Variants in ST3GAL4 observed in about 807,000 individuals in gnomAD.
ST3GAL4 encodes the protein ST3 beta-galactoside alpha-2,3-sialyltransferase 4, also known as CMP-N-acetylneuraminate-beta-galactosamide-alpha-2,3-sialyltransferase 4.
ST3GAL4 carries 24 observed loss-of-function variants against 42.6 expected under a neutral mutation model. The observed-to-expected ratio is 0.56, with a 90% CI of 0.41 to 0.79. The LOEUF (loss-of-function observed/expected upper bound fraction) is 0.79, where lower values mean the gene tolerates loss of function less well. Ranked by LOEUF, ST3GAL4 falls within the 30% of genes least tolerant of loss-of-function variation. The pLI is 0.00. For synonymous variants in ST3GAL4, 135 were observed against 163.2 expected (o/e 0.83, Z 1.32); for missense variants, 311 against 430.8 (o/e 0.72, Z 2.46).
rs1953808013 is a variant in ST3GAL4 at position 126,397,075 on chromosome 11, A to C, written c.-60-9021A>C. Among the ~76,000 whole-genome samples the C allele has an allele frequency of 6.6e-6, 1 of 152,110 alleles. No homozygotes were observed. Among genetic ancestry groups the C allele is most frequent in the Non-Finnish European group, 1.5e-5 (1 of 68,036 alleles). ...CAACAGTGAACTCTCTGGCCCCTCC[A>C]AGTCAGTGGTGCAGAGATTGAGAGA... On this transcript the variant is annotated intron_variant, in intron 1 of 10. Transcript: ENST00000444328. This position sits in a 1 kb window ranked among gnomAD's most constrained non-coding sequence, Gnocchi z 5.0.
chr11:126,395,801 A>G (rs186822470), intron 1 of ST3GAL4, among the ~76,000 whole-genome samples: 1 of 152,224 alleles, frequency 6.6e-6, no homozygotes, highest in East Asian at 1.9e-4. Context: ...TGAGTCCATT[A>G]AACTTCTTTT....
chr11:126,386,392 G>A lies in ST3GAL4; in HGVS notation c.-60-19704G>A, dbSNP rs1953228328. On this transcript the variant is annotated intron_variant, in intron 1 of 10. Coordinates refer to ENST00000444328, the MANE Select transcript of ST3GAL4 (RefSeq NM_001254757.2). The surrounding 1 kb of genome is among the most constrained non-coding windows in gnomAD (Gnocchi z 4.7). ...TTGCATTCGGCCCACAGGCCTTGTG[G>A]CTCCTGTTTCTGCTGACCTGTCCAG... 6.6e-6 allele frequency among the ~76,000 whole-genome samples: 1 copy of A among 152,076 alleles called. No individual in the cohort carries two copies. Among genetic ancestry groups the A allele is most frequent in the African/African-American group, 2.4e-5 (1 of 41,412 alleles).
At chr11:126,382,542 G>GGGA (rs944915542) in intron 1 of ST3GAL4, among the ~76,000 whole-genome samples, 9 of 151,840 alleles carry the variant, frequency 5.9e-5, no homozygotes, top group East Asian at 1.9e-4. Flanking sequence ...CCTCAGGGCT[G>GGGA]GGAGGAGGAG....
intron 1 of ST3GAL4, among the ~76,000 whole-genome samples, chr11:126,381,378 GT>G (rs912432334): frequency 9.2e-5 from 14 of 152,112 alleles, no homozygotes; most frequent in Non-Finnish European, 1.5e-4. Flanking sequence ...TATGGATTTG[GT>G]TTGACAACAA....
rs12278170 is a variant in ST3GAL4 at position 126,404,733 on chromosome 11, G to A, written c.-60-1363G>A. Among the ~76,000 whole-genome samples, 639 of 152,332 alleles carry A rather than the reference G, an allele frequency of 4.2e-3. 6 individuals carry two copies. The highest frequency in any genetic ancestry group is 0.015 in the African/African-American group (606 of 41,578). ...TTCATCCCCTCTGGGGTTTGGGGAT[G>A]GTGCTTCTGACTCTCCTGAGGCAGT... is the stretch of plus-strand genomic sequence containing the variant. On this transcript the variant is annotated intron_variant, in intron 1 of 10. Coordinates refer to ENST00000444328, the MANE Select transcript of ST3GAL4 (RefSeq NM_001254757.2).
Position 126,359,401 on chromosome 11 carries a change from G to A in ST3GAL4, c.-61+3559G>A, listed in dbSNP as rs1437020981. On this transcript the variant is annotated intron_variant, in intron 1 of 10. Coordinates refer to ENST00000444328, the MANE Select transcript of ST3GAL4 (RefSeq NM_001254757.2). The surrounding 1 kb of genome is among the most constrained non-coding windows in gnomAD (Gnocchi z 4.8). ...ATAAATGAAGAAATGGAGGATTGAA[G>A]GATTAAGTTACTTGGCCAAGGTCAT... 6.6e-6 allele frequency among the ~76,000 whole-genome samples: 1 copy of A among 152,168 alleles called. No homozygotes were observed. The highest frequency in any genetic ancestry group is 1.5e-5 in the Non-Finnish European group (1 of 68,038).
At position 126,407,584 on chromosome 11, in the gene ST3GAL4, C is replaced by G. The variant is rs1238563919; in HGVS notation, c.291C>G (p.Leu97=). 6.2e-7 allele frequency: 1 copy of G among 1,614,154 alleles called. No homozygotes were observed. The highest frequency in any genetic ancestry group is 1.7e-5 in the Admixed American group (1 of 60,016). ...PYGTKGSEDL[L]LRVLAITSSS... is the part of the protein sequence containing the mutation. Reference sequence around the variant, plus strand: ...TGGTACTTTTTGTAGAGGATCTGCTCCTCCGGGTGCTAGCCATCACCAGCT... The same window carrying G: ...TGGTACTTTTTGTAGAGGATCTGCTGCTCCGGGTGCTAGCCATCACCAGCT... The change falls in exon 6 of 11, where the codon CTC becomes CTG. Residue 97 remains leucine (L), a synonymous_variant. Transcript: ENST00000444328.
chr11:126,406,693 G>A lies in ST3GAL4; in HGVS notation c.101+136G>A. Reference sequence around the variant, plus strand: ...ACATGACCTCATCCCTTCAGCTGCTGGTACGGAGTGTTTCCATGAGGGTGG... The same window carrying A: ...ACATGACCTCATCCCTTCAGCTGCTAGTACGGAGTGTTTCCATGAGGGTGG... On this transcript the variant is annotated intron_variant, in intron 3 of 10. Transcript: ENST00000444328. The surrounding 1 kb of genome is among the most constrained non-coding windows in gnomAD (Gnocchi z 5.4). The A allele has an allele frequency of 8.0e-7, 1 of 1,253,870 alleles. No individual in the cohort carries two copies. Among genetic ancestry groups the A allele is most frequent in the Non-Finnish European group, 1.1e-6 (1 of 900,552 alleles). The allele number at this position is 1,253,870 out of a possible 1,614,324, so 77.7% of individuals were successfully genotyped here.
chr11:126,406,030 CT>C lies in ST3GAL4; in HGVS notation c.-60-65del. 1 of 1,535,884 alleles carries C rather than the reference CT, an allele frequency of 6.5e-7. No individual in the cohort carries two copies. Among genetic ancestry groups the C allele is most frequent in the Non-Finnish European group, 8.8e-7 (1 of 1,134,318 alleles). The stretch of plus-strand genomic sequence containing the variant: ...GGGAGGGGCAGACAGTGGGTGTGTC[CT>C]GCTCCAGTGTCTAGGCAGGAGAGTT... On this transcript the variant is annotated intron_variant, in intron 1 of 10. Coordinates refer to ENST00000444328, the MANE Select transcript of ST3GAL4 (RefSeq NM_001254757.2). The surrounding 1 kb of genome is among the most constrained non-coding windows in gnomAD (Gnocchi z 5.4).
intron 1 of ST3GAL4, among the ~76,000 whole-genome samples, chr11:126,405,219 C>G (rs1036186980): frequency 6.6e-6 from 1 of 152,252 alleles, no homozygotes; most frequent in Non-Finnish European, 1.5e-5. Flanking sequence ...CTCTGTGTGG[C>G]TGTAGAAGCT....
intron 1 of ST3GAL4, among the ~76,000 whole-genome samples, chr11:126,369,247 TC>T (rs1280243546): frequency 2.8e-5 from 4 of 141,748 alleles, no homozygotes; most frequent in Non-Finnish European, 6.2e-5. Context: ...TCTCTCTCTC[TC>T]TTTTTTTTGG....
At chr11:126,374,624 G>A (rs1459479980) in intron 1 of ST3GAL4, among the ~76,000 whole-genome samples, 1 of 152,102 alleles carries the variant, frequency 6.6e-6, no homozygotes, top group Non-Finnish European at 1.5e-5. Context: ...TGGTGCGTGG[G>A]GCAGCCTCCA....
intron 1 of ST3GAL4, among the ~76,000 whole-genome samples, chr11:126,381,770 G>C (rs1953014506): frequency 6.6e-6 from 1 of 151,938 alleles, no homozygotes; most frequent in African/African-American, 2.4e-5. Context: ...GCTGGACTTG[G>C]GAGGCTGTTC....
chr11:126,382,840 C>G (rs1236975161), intron 1 of ST3GAL4, among the ~76,000 whole-genome samples: 3 of 152,246 alleles, frequency 2.0e-5, no homozygotes, highest in African/African-American at 7.2e-5. Flanking sequence ...ATCACCCCCC[C>G]AGTTATGGGT....
chr11:126,370,767 C>T (rs1393961472), intron 1 of ST3GAL4, among the ~76,000 whole-genome samples: 1 of 151,806 alleles, frequency 6.6e-6, no homozygotes, highest in Non-Finnish European at 1.5e-5. Flanking sequence ...ACCTCTGCAT[C>T]CCGGGTTCAA....
intron 1 of ST3GAL4, among the ~76,000 whole-genome samples, chr11:126,374,079 C>T (rs1360656235): frequency 2.0e-5 from 3 of 151,970 alleles, no homozygotes; most frequent in African/African-American, 7.2e-5. Flanking sequence ...ACAAGAGAAA[C>T]ATCTTTGCAA....
At chr11:126,388,461 G>C (rs186320674) in intron 1 of ST3GAL4, among the ~76,000 whole-genome samples, 102 of 152,004 alleles carry the variant, frequency 6.7e-4, no homozygotes, top group African/African-American at 2.4e-3. Flanking sequence ...CTCCTAAGTA[G>C]CTGGGATTAC....
intron 1 of ST3GAL4, among the ~76,000 whole-genome samples, chr11:126,361,392 T>C (rs993090203): frequency 6.7e-6 from 1 of 149,346 alleles, no homozygotes; most frequent in Non-Finnish European, 1.5e-5. Flanking sequence ...AAAACCCCCA[T>C]TGAGTTCCAG....
Position 126,363,572 on chromosome 11 carries a change from A to G in ST3GAL4, c.-61+7730A>G, listed in dbSNP as rs1952323671. On this transcript the variant is annotated intron_variant, in intron 1 of 10. Coordinates refer to ENST00000444328, the MANE Select transcript of ST3GAL4 (RefSeq NM_001254757.2). The surrounding 1 kb of genome is among the most constrained non-coding windows in gnomAD (Gnocchi z 4.6). The stretch of plus-strand genomic sequence containing the variant: ...TTTGGCGAAGAGACAGTGCCTGCCC[A>G]AAGTATGCAATGCTTTTATCTTTAG... Among the ~76,000 whole-genome samples the G allele has an allele frequency of 6.6e-6, 1 of 152,242 alleles. No individual in the cohort carries two copies. The highest frequency in any genetic ancestry group is 1.5e-5 in the Non-Finnish European group (1 of 68,050).
Sources: allele counts gnomAD v4.1 joint callset (sites outside exome capture counted in the v4.1 genomes callset), GRCh38; gene constraint gnomAD v4.1.1; non-coding constraint Gnocchi (gnomAD v3.1); transcripts MANE v1.5; gene names NCBI Gene and HGNC (gene_info 2026-07-23, HGNC 2026-07-21).